Variants in PARD3 observed in about 807,000 individuals in gnomAD.
PARD3 encodes the protein partitioning defective 3 homolog.
In PARD3, 75 loss-of-function variants were observed where a neutral mutation model predicts 155.4. That is an observed-to-expected ratio of 0.48 (90% CI 0.40 to 0.58). The LOEUF is 0.58. Ranked by LOEUF, PARD3 falls within the 20% of genes least tolerant of loss-of-function variation. The probability of loss-of-function intolerance (pLI) is 0.00; values close to 1 mark genes in which losing one functional copy is unlikely to be tolerated. For synonymous variants in PARD3, 576 were observed against 610.5 expected (o/e 0.94, Z 0.83); for missense variants, 1,642 against 1,721.7 (o/e 0.95, Z 0.82).
chr10:34,129,601 C>T (rs187813022), intron 23 of PARD3, among the ~76,000 whole-genome samples: 32 of 152,134 alleles, frequency 2.1e-4, no homozygotes, highest in Non-Finnish European at 4.3e-4. Context: ...TACATTTCTA[C>T]CTTTAATCTC....
intron 22 of PARD3, among the ~76,000 whole-genome samples, chr10:34,241,197 T>G (rs966921589): frequency 5.9e-5 from 9 of 152,118 alleles, no homozygotes; most frequent in Non-Finnish European, 1.2e-4. Context: ...GGACATCAGG[T>G]AGACCATGCT....
intron 2 of PARD3, among the ~76,000 whole-genome samples, chr10:34,630,091 G>C (rs2092185421): frequency 6.6e-6 from 1 of 151,772 alleles, no homozygotes; most frequent in Non-Finnish European, 1.5e-5. Flanking sequence ...GGGAGGGAGA[G>C]AGGAAATGGA....
chr10:34,185,648 C>T (rs1950453287), intron 22 of PARD3, among the ~76,000 whole-genome samples: 2 of 151,830 alleles, frequency 1.3e-5, no homozygotes, highest in African/African-American at 4.8e-5. Context: ...CATGTTTTAG[C>T]TCCAAGACAT....
chr10:34,558,926 G>A (rs772906399), intron 2 of PARD3, among the ~76,000 whole-genome samples: 5 of 152,174 alleles, frequency 3.3e-5, no homozygotes, highest in Admixed American at 6.5e-5. Context: ...CAGCCTGGGC[G>A]ACAGAGTGAG....
intron 1 of PARD3, among the ~76,000 whole-genome samples, chr10:34,747,402 T>C (rs746009966): frequency 2.0e-5 from 3 of 152,212 alleles, no homozygotes; most frequent in Non-Finnish European, 2.9e-5. Flanking sequence ...CACAAGGTTA[T>C]GTATTTCAAT....
At chr10:34,217,455 A>G (rs1480447203) in intron 22 of PARD3, among the ~76,000 whole-genome samples, 1 of 152,152 alleles carries the variant, frequency 6.6e-6, no homozygotes, top group Non-Finnish European at 1.5e-5. Context: ...GGAAAGGCTA[A>G]TTCATTATTA....
intron 2 of PARD3, among the ~76,000 whole-genome samples, chr10:34,662,525 T>C (rs1044769494): frequency 3.3e-5 from 5 of 152,136 alleles, no homozygotes; most frequent in Admixed American, 3.3e-4. Flanking sequence ...AACAGATGAA[T>C]GAATAAAGAA....
chr10:34,305,941 C>T (rs1468920140), intron 20 of PARD3, among the ~76,000 whole-genome samples: 1 of 152,092 alleles, frequency 6.6e-6, no homozygotes, highest in Non-Finnish European at 1.5e-5. Flanking sequence ...TTACTGCACT[C>T]CATCCAGCCT....
intron 3 of PARD3, among the ~76,000 whole-genome samples, chr10:34,483,156 C>G (rs1186517443): frequency 6.6e-6 from 1 of 151,982 alleles, no homozygotes; most frequent in African/African-American, 2.4e-5. Context: ...AACTCCATCT[C>G]AGAAAACAAA....
chr10:34,196,819 C>T (rs1185948721), intron 22 of PARD3, among the ~76,000 whole-genome samples: 1 of 152,070 alleles, frequency 6.6e-6, no homozygotes, highest in Admixed American at 6.5e-5. Context: ...ATGATCCGCC[C>T]ACCTTGGCCT....
intron 22 of PARD3, among the ~76,000 whole-genome samples, chr10:34,237,067 C>T (rs1020320384): frequency 6.6e-6 from 1 of 152,146 alleles, no homozygotes; most frequent in Non-Finnish European, 1.5e-5. Context: ...AATACAAAAC[C>T]TATTACAGCC....
intron 22 of PARD3, among the ~76,000 whole-genome samples, chr10:34,145,202 TATATATATATATATATA>T (rs1948409461): frequency 1.6e-5 from 1 of 62,212 alleles, no homozygotes; most frequent in African/African-American, 8.5e-5. Context: ...TATATATATA[TATATATATATATATATA>T]TATTTTTTTT....
At chr10:34,341,195 A>C (rs562672937) in intron 16 of PARD3, among the ~76,000 whole-genome samples, 14 of 152,056 alleles carry the variant, frequency 9.2e-5, no homozygotes, top group African/African-American at 3.4e-4. Context: ...AAAAAAAAAA[A>C]AAAAACACTT....
intron 2 of PARD3, among the ~76,000 whole-genome samples, chr10:34,585,063 A>G (rs1228298751): frequency 1.3e-5 from 2 of 152,166 alleles, no homozygotes; most frequent in African/African-American, 2.4e-5. Context: ...TAGATTTAAT[A>G]TATTGCTTAG....
At chr10:34,769,509 A>G (rs932419869) in intron 1 of PARD3, among the ~76,000 whole-genome samples, 1 of 151,804 alleles carries the variant, frequency 6.6e-6, no homozygotes, top group African/African-American at 2.4e-5. Flanking sequence ...ACCTCCCGGC[A>G]CTTTGGGAGG....
At chr10:34,118,766 C>T (rs1946822419) in intron 24 of PARD3, among the ~76,000 whole-genome samples, 1 of 152,244 alleles carries the variant, frequency 6.6e-6, no homozygotes, top group South Asian at 2.1e-4. Flanking sequence ...CTGATATCAA[C>T]ATGGCAAATG....
intron 22 of PARD3, among the ~76,000 whole-genome samples, chr10:34,169,104 G>A (rs967903059): frequency 6.6e-6 from 1 of 152,154 alleles, no homozygotes; most frequent in Admixed American, 6.5e-5. Context: ...CCTTTGAATA[G>A]GAATTAAGTT....
intron 2 of PARD3, among the ~76,000 whole-genome samples, chr10:34,525,204 A>C (rs1456033433): frequency 1.3e-5 from 2 of 152,270 alleles, no homozygotes; most frequent in Non-Finnish European, 2.9e-5. Context: ...AAGAATCTTA[A>C]GCTTGCCACT....
intron 4 of PARD3, among the ~76,000 whole-genome samples, chr10:34,452,147 G>A (rs539646057): frequency 6.6e-6 from 1 of 152,118 alleles, no homozygotes; most frequent in Non-Finnish European, 1.5e-5. Context: ...GGCTATCATT[G>A]ACTAGGGACC....
Sources: allele counts gnomAD v4.1 joint callset (sites outside exome capture counted in the v4.1 genomes callset), GRCh38; gene constraint gnomAD v4.1.1; transcripts MANE v1.5; gene names NCBI Gene and HGNC (gene_info 2026-07-23, HGNC 2026-07-21).